The following CDH18 variants were observed in gnomAD, a reference collection of about 807,000 sequenced individuals.
The protein encoded by CDH18 is cadherin 18.
Under a neutral mutation model 67.9 loss-of-function variants are expected in CDH18, and 31 were observed. That is an observed-to-expected ratio of 0.46 (90% CI 0.34 to 0.62). The LOEUF is 0.62. CDH18 is among the 20% of genes least tolerant of loss of function. The pLI is 0.01. For missense variants in CDH18, 890 were observed against 975.5 expected, an observed-to-expected ratio of 0.91 and a Z score of 1.17; for synonymous variants, 362 against 347.2, an observed-to-expected ratio of 1.04 and a Z score of -0.48.
At chr5:20,450,963 G>A (rs1750401039) in intron 1 of CDH18, among the ~76,000 whole-genome samples, 1 of 152,110 alleles carries the variant, frequency 6.6e-6, no homozygotes, top group Non-Finnish European at 1.5e-5. Flanking sequence ...AAAACCATCA[G>A]ATCTATTGAG....
chr5:19,914,679 G>T (rs763739556), intron 2 of CDH18, among the ~76,000 whole-genome samples: 1 of 152,080 alleles, frequency 6.6e-6, no homozygotes, highest in Non-Finnish European at 1.5e-5. Context: ...TAAGATAAAA[G>T]AATCAAATAA....
At chr5:20,573,247 A>T (rs183400730) in intron 1 of CDH18, among the ~76,000 whole-genome samples, 186 of 152,186 alleles carry the variant, frequency 1.2e-3, no homozygotes, top group African/African-American at 4.4e-3. Context: ...TTGAAGGAAG[A>T]GTATGTCTAT....
intron 2 of CDH18, among the ~76,000 whole-genome samples, chr5:19,932,411 G>A (rs938734794): frequency 6.6e-6 from 1 of 151,642 alleles, no homozygotes; most frequent in Non-Finnish European, 1.5e-5. Context: ...AATCTATGTA[G>A]ATGCCCCTCC....
chr5:20,393,116 G>T (rs1745005498), intron 1 of CDH18, among the ~76,000 whole-genome samples: 1 of 151,790 alleles, frequency 6.6e-6, no homozygotes, highest in South Asian at 2.1e-4. Context: ...AGGTGGCATA[G>T]GTGTCTTACT....
In CDH18 at chr5:19,972,949, C is replaced by T. The variant is rs146392000; in HGVS notation, c.-257+8111G>A. Reference sequence around the variant, plus strand: ...TTCTACTACTGAAGGGCTTTTGTGCCGTTTCTATTATTATCTGAAGTAATA... The same window carrying T: ...TTCTACTACTGAAGGGCTTTTGTGCTGTTTCTATTATTATCTGAAGTAATA... On this transcript the variant is annotated intron_variant, in intron 2 of 12. Coordinates refer to ENST00000382275, the MANE Select transcript of CDH18 (RefSeq NM_004934.5). Among the ~76,000 whole-genome samples, 25 of 151,716 alleles carry T rather than the reference C, an allele frequency of 1.6e-4. 1 individual carries two copies. Among genetic ancestry groups the T allele is most frequent in the Non-Finnish European group, 2.4e-4 (16 of 67,856 alleles).
At chr5:20,529,095 A>G (rs1357371102) in intron 1 of CDH18, among the ~76,000 whole-genome samples, 1 of 152,054 alleles carries the variant, frequency 6.6e-6, no homozygotes, top group Non-Finnish European at 1.5e-5. Flanking sequence ...TACAAACAAC[A>G]TCAGAGAATA....
chr5:19,953,373 C>A (rs368437152), intron 2 of CDH18, among the ~76,000 whole-genome samples: 1 of 151,952 alleles, frequency 6.6e-6, no homozygotes, highest in South Asian at 2.1e-4. Context: ...TAGAGTACTG[C>A]TTATTGTCTC....
chr5:19,677,446 C>T (rs139264827), intron 5 of CDH18, among the ~76,000 whole-genome samples: 3 of 151,984 alleles, frequency 2.0e-5, no homozygotes, highest in Non-Finnish European at 2.9e-5. Context: ...TATTACTGGT[C>T]GCCACAAAAA....
At chr5:20,204,697 G>A (rs575700038) in intron 2 of CDH18, among the ~76,000 whole-genome samples, 1 of 152,016 alleles carries the variant, frequency 6.6e-6, no homozygotes, top group South Asian at 2.1e-4. Flanking sequence ...ACAGTAACCT[G>A]TTAAGAGGTA....
At chr5:20,282,075 C>A (rs1746322141) in intron 1 of CDH18, among the ~76,000 whole-genome samples, 1 of 152,146 alleles carries the variant, frequency 6.6e-6, no homozygotes, top group African/African-American at 2.4e-5. Flanking sequence ...TATCCTGAGA[C>A]TTTGCTGAAG....
rs1311878967 is a variant in CDH18, at chr5:19,654,748, T to A, written c.644-42147A>T. 3.9e-5 allele frequency among the ~76,000 whole-genome samples: 6 copies of A among 152,066 alleles called. No homozygotes were observed. In the East Asian group the frequency reaches 1.2e-3, roughly 29 times the overall value. The stretch of plus-strand genomic sequence containing the variant: ...ATCACACAGACAAACTGAAGGATGG[T>A]AAAGGCGGGGGATTTTATTCCCGGA... On this transcript the variant is annotated intron_variant, in intron 5 of 12. Transcript: ENST00000382275.
intron 3 of CDH18, among the ~76,000 whole-genome samples, chr5:19,814,261 T>C (rs1397409142): frequency 6.6e-6 from 1 of 152,022 alleles, no homozygotes; most frequent in Non-Finnish European, 1.5e-5. Context: ...AATCAAATGT[T>C]TCCCTTGTTG....
chr5:20,198,776 G>C (rs983247009), intron 2 of CDH18, among the ~76,000 whole-genome samples: 1 of 152,144 alleles, frequency 6.6e-6, no homozygotes, highest in African/African-American at 2.4e-5. Flanking sequence ...CCTGGGCCTG[G>C]CCCAGGGCCC....
intron 1 of CDH18, among the ~76,000 whole-genome samples, chr5:20,465,065 G>A (rs1314023046): frequency 1.3e-5 from 2 of 152,086 alleles, no homozygotes; most frequent in East Asian, 1.9e-4. Context: ...TTCTACACAT[G>A]TAAATGACAC....
chr5:19,642,996 A>G (rs1182294739), intron 5 of CDH18, among the ~76,000 whole-genome samples: 1 of 152,104 alleles, frequency 6.6e-6, no homozygotes, highest in African/African-American at 2.4e-5. Context: ...GATATAAACA[A>G]ATATATAATT....
At chr5:19,534,141 G>C (rs1276416648) in intron 9 of CDH18, among the ~76,000 whole-genome samples, 1 of 152,068 alleles carries the variant, frequency 6.6e-6, no homozygotes, top group Non-Finnish European at 1.5e-5. Flanking sequence ...TAAAAGGTAT[G>C]AAAGGAGTTA....
chr5:19,867,402 TA>T (rs2150005866), intron 2 of CDH18, among the ~76,000 whole-genome samples: 1 of 152,222 alleles, frequency 6.6e-6, no homozygotes, highest in African/African-American at 2.4e-5. Context: ...GAACACACAA[TA>T]AAGCAAAATA....
At chr5:20,501,341 A>C (rs544719394) in intron 1 of CDH18, among the ~76,000 whole-genome samples, 51 of 149,850 alleles carry the variant, frequency 3.4e-4, no homozygotes, top group African/African-American at 1.2e-3. Flanking sequence ...CAGCTTTTCT[A>C]TACAGCTAAA....
intron 5 of CDH18, among the ~76,000 whole-genome samples, chr5:19,627,749 G>T (rs1316525867): frequency 6.6e-6 from 1 of 152,142 alleles, no homozygotes; most frequent in Non-Finnish European, 1.5e-5. Flanking sequence ...TTACTTAAAA[G>T]AAGTGATAGA....
Sources: allele counts gnomAD v4.1 joint callset (sites outside exome capture counted in the v4.1 genomes callset), GRCh38; gene constraint gnomAD v4.1.1; transcripts MANE v1.5; gene names NCBI Gene and HGNC (gene_info 2026-07-23, HGNC 2026-07-21).